The following GLT1D1 variants were observed in gnomAD, a reference collection of about 807,000 sequenced individuals.
GLT1D1 encodes glycosyltransferase 1 domain-containing protein 1.
A neutral mutation model predicts 28.7 loss-of-function variants in GLT1D1; 21 were observed. That is an observed-to-expected ratio of 0.73 (90% CI 0.52 to 1.05). The LOEUF (loss-of-function observed/expected upper bound fraction) is 1.05, where lower values mean the gene tolerates loss of function less well. Ranked by LOEUF, GLT1D1 falls within the 50% of genes least tolerant of loss-of-function variation. The pLI, the probability that GLT1D1 is intolerant of heterozygous loss-of-function variation, is 0.00. For missense variants in GLT1D1, 343 were observed against 330.6 expected, an observed-to-expected ratio of 1.04 and a Z score of -0.29; for synonymous variants, 147 against 124.8, an observed-to-expected ratio of 1.18 and a Z score of -1.19.
chr12:128,883,259 C>T (rs1957099577), intron 2 of GLT1D1, among the ~76,000 whole-genome samples: 1 of 151,392 alleles, frequency 6.6e-6, no homozygotes, highest in South Asian at 2.1e-4. Flanking sequence ...AGGCTTGAGC[C>T]TAATAAGGAA....
chr12:128,912,490 T>C, intron 4 of GLT1D1, 30 bp downstream of exon 5: 1 of 1,250,964 alleles, frequency 8.0e-7, no homozygotes, highest in Non-Finnish European at 1.1e-6. Context: ...TATTTACTTA[T>C]GTACAGGGAT....
intron 4 of GLT1D1, 68 bp downstream of exon 5, chr12:128,912,528 A>G (rs556746694): frequency 7.0e-6 from 5 of 712,358 alleles, no homozygotes; most frequent in Admixed American, 6.3e-5. Flanking sequence ...AAATAGATGC[A>G]TATTTATATG....
chr12:128,961,795 G>A (rs7139178), intron 7 of GLT1D1, among the ~76,000 whole-genome samples: 44,965 of 152,066 alleles, frequency 0.3, 6,823 homozygotes, highest in African/African-American at 0.33. Flanking sequence ...CACACCCAGA[G>A]ATAAGGCGTC....
At chr12:128,919,849 C>G (rs1872470653) in intron 4 of GLT1D1, among the ~76,000 whole-genome samples, 1 of 152,140 alleles carries the variant, frequency 6.6e-6, no homozygotes, top group South Asian at 2.1e-4. Context: ...TTCAGGCTAT[C>G]AAACCTAAAA....
At chr12:128,932,806 G>A (rs1454015714) in intron 4 of GLT1D1, among the ~76,000 whole-genome samples, 1 of 151,892 alleles carries the variant, frequency 6.6e-6, no homozygotes, top group Non-Finnish European at 1.5e-5. Flanking sequence ...CCGGCTCTGG[G>A]CACGACCCTG....
At chr12:128,884,765 G>T (rs1269413389) in intron 2 of GLT1D1, among the ~76,000 whole-genome samples, 1 of 152,116 alleles carries the variant, frequency 6.6e-6, no homozygotes, top group Admixed American at 6.5e-5. Flanking sequence ...AGTGAGCCAA[G>T]ATAGCACCGC....
intron 4 of GLT1D1, 29 bp from the exon 9 acceptor site, chr12:128,945,297 C>A (rs769030668): frequency 2.5e-6 from 4 of 1,613,030 alleles, no homozygotes; most frequent in Non-Finnish European, 3.4e-6. Flanking sequence ...AGGCGGCGAC[C>A]GCTGACATTT....
At chr12:128,961,585 T>C (rs1266002806) in intron 7 of GLT1D1, among the ~76,000 whole-genome samples, 1 of 152,218 alleles carries the variant, frequency 6.6e-6, no homozygotes, top group African/African-American at 2.4e-5. Flanking sequence ...TCGCACATTC[T>C]TGGAGTCTGA....
intron 4 of GLT1D1, among the ~76,000 whole-genome samples, chr12:128,900,678 C>T (rs995456182): frequency 1.3e-5 from 2 of 151,544 alleles, no homozygotes; most frequent in African/African-American, 4.9e-5. Context: ...CTCTGTCACC[C>T]AGGCTAGAGT....
intron 7 of GLT1D1, among the ~76,000 whole-genome samples, chr12:128,980,951 G>A (rs1593223869): frequency 2.0e-5 from 3 of 152,330 alleles, no homozygotes; most frequent in Middle Eastern, 3.4e-3. Context: ...GTAAGCACAC[G>A]ACAGTCTGTG....
intron 6 of GLT1D1, among the ~76,000 whole-genome samples, chr12:128,955,747 A>G (rs1593185789): frequency 6.6e-6 from 1 of 151,890 alleles, no homozygotes; most frequent in African/African-American, 2.4e-5. Flanking sequence ...GGTGATGTGT[A>G]CTTCCCACCA....
At chr12:128,944,309 C>A in intron 4 of GLT1D1, 2 of 676,180 alleles carry the variant, frequency 3.0e-6, no homozygotes, top group South Asian at 2.8e-5. Context: ...TGAGGAACGT[C>A]AGTTTGGAGG....
chr12:128,979,334 C>T (rs1221237262), intron 7 of GLT1D1, among the ~76,000 whole-genome samples: 1 of 152,126 alleles, frequency 6.6e-6, no homozygotes, highest in Non-Finnish European at 1.5e-5. Context: ...CTTGGGGCCT[C>T]ATGTCCCACC....
At chr12:128,925,018 C>A (rs755504287) in intron 4 of GLT1D1, among the ~76,000 whole-genome samples, 2 of 150,260 alleles carry the variant, frequency 1.3e-5, no homozygotes, top group Non-Finnish European at 3.0e-5. Flanking sequence ...TCTTTCTTTT[C>A]TTCATAAATA....
intron 4 of GLT1D1, chr12:128,944,233 C>A: frequency 3.9e-6 from 2 of 511,608 alleles, no homozygotes; most frequent in East Asian, 4.2e-5. Context: ...ATGAGGTTTG[C>A]CCATCTTACT....
At chr12:128,943,346 C>T (rs1420235968) in intron 4 of GLT1D1, among the ~76,000 whole-genome samples, 2 of 150,746 alleles carry the variant, frequency 1.3e-5, no homozygotes, top group African/African-American at 4.9e-5. Context: ...CAGGTTTTCT[C>T]TTTTCTCTCT....
At chr12:128,868,658 AGTAGCTCCTCGATCAGCTGG>A (rs951894874) in intron 1 of GLT1D1, among the ~76,000 whole-genome samples, 11 of 152,164 alleles carry the variant, frequency 7.2e-5, no homozygotes, top group African/African-American at 2.2e-4. Flanking sequence ...TGTAGCAGTG[AGTAGCTCCTCGATCAGCTGG>A]GTGCCGACTG....
At chr12:128,879,817 A>G (rs1410261173) in intron 2 of GLT1D1, among the ~76,000 whole-genome samples, 2 of 152,214 alleles carry the variant, frequency 1.3e-5, no homozygotes, top group Admixed American at 1.3e-4. Context: ...TATTCCCACA[A>G]GTGGGATTAG....
intron 1 of GLT1D1, among the ~76,000 whole-genome samples, chr12:128,873,848 TTCCCTCCC>T (rs202047117): frequency 0.11 from 15,030 of 137,204 alleles, 947 homozygotes; most frequent in South Asian, 0.22. Context: ...CCTTCCCTCC[TTCCCTCCC>T]TCCCTCCCTC....
Sources: gnomAD v4.1 joint callset for allele counts (sites outside exome capture counted in the v4.1 genomes callset) on GRCh38, gnomAD v4.1.1 for gene constraint, MANE v1.5 for transcripts, NCBI Gene and HGNC (gene_info 2026-07-23, HGNC 2026-07-21) for gene names.